Variants in KIF2C observed in about 807,000 individuals in gnomAD.
KIF2C encodes the protein kinesin-like protein KIF2C.
In KIF2C, 34 loss-of-function variants were observed where a neutral mutation model predicts 97.4. The ratio of observed to expected loss-of-function variants is 0.35; its 90% CI spans 0.27 to 0.46. The LOEUF (loss-of-function observed/expected upper bound fraction) is 0.46. KIF2C is among the 20% of genes least tolerant of loss of function. The probability of loss-of-function intolerance (pLI) is 1.00; values close to 1 mark genes in which losing one functional copy is unlikely to be tolerated. For synonymous variants in KIF2C, 313 were observed against 318.2 expected (o/e 0.98, Z 0.17); for missense variants, 750 against 907.6 (o/e 0.83, Z 2.23).
chr1:44,740,312 C>A (rs1314038969), intron 1 of KIF2C, among the ~76,000 whole-genome samples: 1 of 152,164 alleles, frequency 6.6e-6, no homozygotes, highest in African/African-American at 2.4e-5. Context: ...CTGAAAATGC[C>A]CTGCTCTTAT....
rs1180925661 is a variant in KIF2C at position 44,766,951 on chromosome 1, TG to T, written c.2095+5del. ...CCAAGCATTTCTCAGCCCTGCGAGG[TG>T]GGTGTGGCTGGATGGGGTGCAGGTG... On this transcript the variant is annotated splice_donor_region_variant and intron_variant, in intron 20 of 20. Transcript: ENST00000372224. 3 of 1,613,904 alleles carry T rather than the reference TG, an allele frequency of 1.9e-6. No individual in the cohort carries two copies. The highest frequency in any genetic ancestry group is 2.5e-6 in the Non-Finnish European group (3 of 1,179,990).
chr1:44,764,152 AC>A (rs1650317333), intron 19 of KIF2C, among the ~76,000 whole-genome samples: 1 of 151,970 alleles, frequency 6.6e-6, no homozygotes, highest in African/African-American at 2.4e-5. Flanking sequence ...CTTACAAGGT[AC>A]CCCCCAAAAT....
In KIF2C at chr1:44,761,923, C is replaced by T. The variant is rs751382202; in HGVS notation, c.1691C>T (p.Thr564Met). 18 of 1,613,994 alleles carry T rather than the reference C, an allele frequency of 1.1e-5. No individual in the cohort carries two copies. Among genetic ancestry groups the T allele is most frequent in the Admixed American group, 1.7e-5 (1 of 60,000 alleles). Reference sequence around the variant, plus strand: ...CCCACCCCTCTTTTGCAGATTGCCACGATCTCACCAGGCATAAGCTCCTGT... The same window carrying T: ...CCCACCCCTCTTTTGCAGATTGCCATGATCTCACCAGGCATAAGCTCCTGT... ...GENSRTCMIA[T>M]ISPGISSCEY... Residue 564 changes from threonine (T) to methionine (M), a missense_variant, in exon 17 of 21, where the codon ACG becomes ATG. By Grantham distance (81) the Thr-to-Met change is moderately conservative. Transcript: ENST00000372224.
intron 13 of KIF2C, 114 bp downstream of exon 13, chr1:44,758,254 C>A: frequency 1.2e-6 from 1 of 840,446 alleles, no homozygotes; most frequent in Non-Finnish European, 1.9e-6. Context: ...TGTCAAGCCA[C>A]TGATGGGCCA....
chr1:44,745,157 C>G (rs549191332), intron 2 of KIF2C, among the ~76,000 whole-genome samples: 36 of 151,586 alleles, frequency 2.4e-4, no homozygotes, highest in African/African-American at 8.2e-4. Flanking sequence ...CCACTGCACT[C>G]CAGCCTGGGC....
rs749285512 is a variant in KIF2C at position 44,747,620 on chromosome 1, C to T, written c.268-32C>T. 134 of 1,610,166 alleles carry T rather than the reference C, an allele frequency of 8.3e-5. No homozygotes were observed. The South Asian group carries it at 1.2e-3, about 14-fold the overall frequency. ...TGGGCCCTTGAGAATTGATAAGAGC[C>T]ATATATTGTGACAATTTGATTTGTT... is the stretch of plus-strand genomic sequence containing the variant. On this transcript the variant is annotated intron_variant, in intron 3 of 20. Transcript: ENST00000372224.
intron 5 of KIF2C, among the ~76,000 whole-genome samples, chr1:44,751,475 C>G (rs531071536): frequency 2.0e-5 from 3 of 149,402 alleles, no homozygotes; most frequent in African/African-American, 7.4e-5. Flanking sequence ...GGATTACAGG[C>G]GTGAGCCACC....
intron 8 of KIF2C, among the ~76,000 whole-genome samples, chr1:44,755,112 G>A (rs1283093354): frequency 6.6e-6 from 1 of 151,622 alleles, no homozygotes; most frequent in Admixed American, 6.6e-5. Context: ...GCATTCCACC[G>A]CACCCTACTG....
intron 19 of KIF2C, 76 bp downstream of exon 19, chr1:44,762,734 A>T: frequency 1.1e-6 from 1 of 945,654 alleles, no homozygotes; most frequent in Non-Finnish European, 1.7e-6. Context: ...CCAGAACATG[A>T]CCTGGGCCTT....
rs970696161 is a variant in KIF2C at position 44,747,804 on chromosome 1, TGG to T, written c.316+106_316+107del. 6 of 955,794 alleles carry T rather than the reference TGG, an allele frequency of 6.3e-6. No homozygotes were observed. In the African/African-American group the frequency reaches 9.9e-5, roughly 16 times the overall value. The allele number at this position is 955,794 out of a possible 1,614,324, so 59.2% of individuals were successfully genotyped here. ...TCCTCTTTTGCAGGTGGTTTCTATG[TGG>T]GTTGAGTCCTGCCTGTGTTCCAAGC... On this transcript the variant is annotated intron_variant, in intron 4 of 20. Coordinates refer to ENST00000372224, the MANE Select transcript of KIF2C (RefSeq NM_006845.4).
intron 2 of KIF2C, 103 bp downstream of exon 2, chr1:44,741,110 T>C: frequency 1.2e-6 from 1 of 861,680 alleles, no homozygotes; most frequent in Non-Finnish European, 1.8e-6. Flanking sequence ...TGCTGTGCTC[T>C]TCTCACTCAC....
chr1:44,758,769 G>T (rs866458555), intron 13 of KIF2C, among the ~76,000 whole-genome samples: 1 of 152,048 alleles, frequency 6.6e-6, no homozygotes, highest in African/African-American at 2.4e-5. Flanking sequence ...CCAGCTACTC[G>T]GGAGTCTGAG....
intron 7 of KIF2C, among the ~76,000 whole-genome samples, chr1:44,754,212 C>G (rs542673059): frequency 8.6e-5 from 13 of 151,852 alleles, no homozygotes; most frequent in Non-Finnish European, 1.6e-4. Flanking sequence ...TGAGCTGTTG[C>G]GCCTGGCCTC....
intron 19 of KIF2C, among the ~76,000 whole-genome samples, chr1:44,763,346 G>A (rs1490041532): frequency 6.6e-6 from 1 of 152,164 alleles, no homozygotes; most frequent in Non-Finnish European, 1.5e-5. Flanking sequence ...AGAACTTGGG[G>A]CAGGTGTAAC....
chr1:44,749,502 A>G (rs1020291232), intron 4 of KIF2C, among the ~76,000 whole-genome samples: 1 of 152,114 alleles, frequency 6.6e-6, no homozygotes, highest in Non-Finnish European at 1.5e-5. Context: ...CTGTAAGCCC[A>G]GTGCTTTGGG....
At chr1:44,762,835 TCA>T (rs1198874081) in intron 19 of KIF2C, among the ~76,000 whole-genome samples, 177 bp downstream of exon 19, 1 of 152,202 alleles carries the variant, frequency 6.6e-6, no homozygotes, top group Non-Finnish European at 1.5e-5. Context: ...CTTCTAATTA[TCA>T]CAACCCCTTC....
chr1:44,767,074 T>TCA (rs1650508245), intron 20 of KIF2C, 23 bp from the exon 21 acceptor site: 9 of 1,613,278 alleles, frequency 5.6e-6, no homozygotes, highest in Non-Finnish European at 6.8e-6. Context: ...TAACCCCATA[T>TCA]GTACCGCTAC....
chr1:44,739,868 T>TA lies in KIF2C; in HGVS notation c.-65_-64insA, dbSNP rs1239323855. 1.3e-5 allele frequency: 19 copies of TA among 1,471,348 alleles called. No individual in the cohort carries two copies. The highest frequency in any genetic ancestry group is 1.7e-4 in the Middle Eastern group (1 of 5,798). The allele number at this position is 1,471,348 out of a possible 1,614,324, so 91.1% of individuals were successfully genotyped here. ...CGGCGGTTTACGCGGCGTTAAGACT[T>TA]CGTAGGGTTAGCGAAATTGAGGTTT... is the stretch of plus-strand genomic sequence containing the variant. On this transcript the variant is annotated 5_prime_UTR_variant, in exon 1 of 21. Transcript: ENST00000372224.
chr1:44,746,887 T>G (rs1261448175), intron 2 of KIF2C: 1 of 959,004 alleles, frequency 1.0e-6, no homozygotes, highest in African/African-American at 1.7e-5. Flanking sequence ...ATGTTGTTTT[T>G]TTGTTTGTTT....
Sources: gnomAD v4.1 joint callset for allele counts (sites outside exome capture counted in the v4.1 genomes callset) on GRCh38, gnomAD v4.1.1 for gene constraint, MANE v1.5 for transcripts, NCBI Gene and HGNC (gene_info 2026-07-23, HGNC 2026-07-21) for gene names.